The following MPPED2 variants were observed in gnomAD, a reference collection of about 807,000 sequenced individuals.
MPPED2 encodes the protein metallophosphoesterase domain containing 2.
MPPED2 carries 5 observed loss-of-function variants against 33.0 expected under a neutral mutation model. The observed-to-expected ratio is 0.15, with a 90% CI of 0.08 to 0.32. The LOEUF is 0.32. MPPED2 is among the 10% of genes least tolerant of loss of function. The pLI, the probability that MPPED2 is intolerant of heterozygous loss-of-function variation, is 1.00. For missense variants in MPPED2, 275 were observed against 372.1 expected (o/e 0.74, Z 2.15); for synonymous variants, 136 against 141.9 (o/e 0.96, Z 0.29).
chr11:30,563,540 T>C (rs556794687), intron 2 of MPPED2, among the ~76,000 whole-genome samples: 2 of 152,086 alleles, frequency 1.3e-5, no homozygotes, highest in South Asian at 2.1e-4. Context: ...TATTGATAAG[T>C]AAGTGACAGG....
intron 3 of MPPED2, among the ~76,000 whole-genome samples, chr11:30,507,763 G>T (rs749477150): frequency 6.6e-6 from 1 of 152,092 alleles, no homozygotes; most frequent in Non-Finnish European, 1.5e-5. Flanking sequence ...TAATGTTTTG[G>T]TTCCACTGGA....
At chr11:30,468,526 G>C (rs1301460260) in intron 4 of MPPED2, among the ~76,000 whole-genome samples, 1 of 152,176 alleles carries the variant, frequency 6.6e-6, no homozygotes, top group African/African-American at 2.4e-5. Flanking sequence ...GAGTGAAAGA[G>C]AGGCCAAGGG....
chr11:30,498,475 G>C (rs181727743), intron 3 of MPPED2, among the ~76,000 whole-genome samples: 1 of 151,396 alleles, frequency 6.6e-6, no homozygotes, highest in African/African-American at 2.4e-5. Context: ...TTGAACCCCG[G>C]AGGTGCAGGT....
chr11:30,494,757 A>AAAAAAAAAAAG (rs768924251), intron 4 of MPPED2, among the ~76,000 whole-genome samples: 32 of 120,846 alleles, frequency 2.6e-4, no homozygotes, highest in African/African-American at 9.1e-4. Flanking sequence ...AAAAAAAAAA[A>AAAAAAAAAAAG]AAAGAAAGAA....
At chr11:30,392,360 A>G (rs1212828046) in intron 6 of MPPED2, among the ~76,000 whole-genome samples, 1 of 152,178 alleles carries the variant, frequency 6.6e-6, no homozygotes, top group Non-Finnish European at 1.5e-5. Flanking sequence ...TGCTTACCCC[A>G]TTAATACTAA....
intron 4 of MPPED2, among the ~76,000 whole-genome samples, chr11:30,490,747 A>C (rs1951939017): frequency 6.6e-6 from 1 of 152,174 alleles, no homozygotes; most frequent in Non-Finnish European, 1.5e-5. Flanking sequence ...TAAATTAGAA[A>C]ACACTACTTT....
intron 4 of MPPED2, among the ~76,000 whole-genome samples, chr11:30,473,087 CA>C (rs533162089): frequency 1.1e-4 from 16 of 152,006 alleles, no homozygotes; most frequent in Admixed American, 4.6e-4. Flanking sequence ...GCCACTGTTC[CA>C]AAAAAGTATC....
At chr11:30,451,925 C>G in intron 4 of MPPED2, 1 of 985,336 alleles carries the variant, frequency 1.0e-6, no homozygotes, top group Non-Finnish European at 1.2e-6. Flanking sequence ...ACCTTGATTT[C>G]TTAAATTGAG....
At chr11:30,486,870 G>A (rs59877760) in intron 4 of MPPED2, among the ~76,000 whole-genome samples, 6 of 152,070 alleles carry the variant, frequency 3.9e-5, no homozygotes, top group East Asian at 1.9e-4. Context: ...TAGTCTTTCC[G>A]TTTTGTATGT....
chr11:30,461,558 A>G (rs1950519005), intron 4 of MPPED2, among the ~76,000 whole-genome samples: 1 of 152,172 alleles, frequency 6.6e-6, no homozygotes, highest in Non-Finnish European at 1.5e-5. Context: ...GACTCAAACT[A>G]CAACGTCTGC....
intron 4 of MPPED2, among the ~76,000 whole-genome samples, chr11:30,475,217 C>A (rs939033359): frequency 6.6e-6 from 1 of 151,912 alleles, no homozygotes. Flanking sequence ...TAAATCATAT[C>A]GAATAAATGT....
intron 3 of MPPED2, among the ~76,000 whole-genome samples, chr11:30,507,294 C>A (rs1382226999): frequency 6.6e-6 from 1 of 152,188 alleles, no homozygotes; most frequent in Non-Finnish European, 1.5e-5. Flanking sequence ...AATAATATTT[C>A]TGAAGGCATC....
intron 3 of MPPED2, among the ~76,000 whole-genome samples, chr11:30,502,083 G>A (rs1952596501): frequency 6.6e-6 from 1 of 152,132 alleles, no homozygotes; most frequent in Non-Finnish European, 1.5e-5. Flanking sequence ...AAAAAATTAA[G>A]AGGAAACCAC....
intron 3 of MPPED2, among the ~76,000 whole-genome samples, chr11:30,528,366 A>T (rs989874684): frequency 2.6e-5 from 4 of 151,904 alleles, no homozygotes; most frequent in Non-Finnish European, 5.9e-5. Flanking sequence ...GGTGATTCTC[A>T]TGCCTCAGTC....
intron 3 of MPPED2, among the ~76,000 whole-genome samples, chr11:30,508,796 CT>C (rs1473396841): frequency 2.0e-5 from 3 of 150,946 alleles, no homozygotes; most frequent in Non-Finnish European, 3.0e-5. Context: ...CTGCCAGCCA[CT>C]TCCCCACTCA....
chr11:30,461,846 G>A (rs563879184), intron 4 of MPPED2, among the ~76,000 whole-genome samples: 2 of 152,132 alleles, frequency 1.3e-5, no homozygotes, highest in Non-Finnish European at 2.9e-5. Context: ...AGATTCTGAA[G>A]GGAAGCAACA....
chr11:30,404,608 G>T (rs1947960585), intron 6 of MPPED2, among the ~76,000 whole-genome samples: 1 of 152,134 alleles, frequency 6.6e-6, no homozygotes, highest in African/African-American at 2.4e-5. Context: ...CATATCTATG[G>T]CCACTCATGT....
chr11:30,569,429 G>T (rs1163099066), intron 2 of MPPED2, among the ~76,000 whole-genome samples: 2 of 152,192 alleles, frequency 1.3e-5, no homozygotes, highest in Non-Finnish European at 2.9e-5. Flanking sequence ...TAGCCTGTTT[G>T]TTCTTTCCTC....
chr11:30,411,933 A>G (rs1428508995), intron 6 of MPPED2, among the ~76,000 whole-genome samples: 1 of 151,834 alleles, frequency 6.6e-6, no homozygotes, highest in African/African-American at 2.4e-5. Flanking sequence ...TTAACTATTG[A>G]GTTCTAGGGA....
Sources: gnomAD v4.1 joint callset for allele counts (sites outside exome capture counted in the v4.1 genomes callset) on GRCh38, gnomAD v4.1.1 for gene constraint, MANE v1.5 for transcripts, NCBI Gene and HGNC (gene_info 2026-07-23, HGNC 2026-07-21) for gene names.